The following DDX19B variants were observed in gnomAD, a reference collection of about 807,000 sequenced individuals.
DDX19B encodes ATP-dependent RNA helicase DDX19B.
In DDX19B, 27 loss-of-function variants were observed where a neutral mutation model predicts 58.1. That is an observed-to-expected ratio of 0.46 (90% CI 0.34 to 0.64). DDX19B has a LOEUF of 0.64. Among genes scored for constraint, DDX19B ranks in the 30% least tolerant of loss-of-function variants. The pLI, the probability that DDX19B is intolerant of heterozygous loss-of-function variation, is 0.01. For synonymous variants in DDX19B, 187 were observed against 214.4 expected (o/e 0.87, Z 1.12); for missense variants, 399 against 596.5 (o/e 0.67, Z 3.45).
chr16:70,304,046 C>CT (rs1343155530), intron 1 of DDX19B, among the ~76,000 whole-genome samples: 2,688 of 145,580 alleles, frequency 0.018, 29 homozygotes, highest in Non-Finnish European at 0.026. Flanking sequence ...TGAGGTTCAT[C>CT]TTTTTTTTTT....
At position 70,326,132 on chromosome 16, in the gene DDX19B, CTATTA is replaced by C. The variant is rs1179076601; in HGVS notation, c.607+449_607+453del. On this transcript the variant is annotated intron_variant, in intron 7 of 11. Coordinates refer to ENST00000288071, the MANE Select transcript of DDX19B (RefSeq NM_007242.7). ...ATTGTACCCCTACCTTTTTCTCTCC[CTATTA>C]TATTTAACATTTTGCACAGACCAGA... 2.6e-5 allele frequency among the ~76,000 whole-genome samples: 4 copies of C among 152,164 alleles called. No homozygotes were observed. In the East Asian group the frequency reaches 7.7e-4, roughly 29 times the overall value.
chr16:70,312,031 G>A (rs954977832), intron 1 of DDX19B, among the ~76,000 whole-genome samples: 3 of 152,036 alleles, frequency 2.0e-5, no homozygotes, highest in East Asian at 1.9e-4. Context: ...TGGTAGAGAC[G>A]GGGTTTCACC....
intron 5 of DDX19B, among the ~76,000 whole-genome samples, chr16:70,323,079 C>G (rs971357388): frequency 1.2e-4 from 18 of 151,910 alleles, no homozygotes; most frequent in African/African-American, 4.1e-4. Flanking sequence ...TGGCCTGCTG[C>G]GGCTGCTCCG....
At chr16:70,296,763 C>T (rs1961239960), upstream of DDX19B, among the ~76,000 whole-genome samples, 1 of 152,094 alleles carries the variant, frequency 6.6e-6, no homozygotes, top group Non-Finnish European at 1.5e-5. Context: ...ACGTCTTCTC[C>T]AGTTAACCCT....
upstream of DDX19B, among the ~76,000 whole-genome samples, chr16:70,297,009 G>C (rs1056111715): frequency 6.6e-6 from 1 of 151,976 alleles, no homozygotes; most frequent in Non-Finnish European, 1.5e-5. Context: ...TCCACCTCCC[G>C]GGTTCAAGCG....
At chr16:70,309,776 C>T (rs1961982035) in intron 1 of DDX19B, among the ~76,000 whole-genome samples, 1 of 116,122 alleles carries the variant, frequency 8.6e-6, no homozygotes, top group African/African-American at 3.4e-5. Context: ...CAAGATCGTA[C>T]CACTGCATTC....
At chr16:70,328,181 T>G (rs905406967) in intron 7 of DDX19B, among the ~76,000 whole-genome samples, 2 of 151,372 alleles carry the variant, frequency 1.3e-5, no homozygotes, top group Non-Finnish European at 2.9e-5. Flanking sequence ...AGAGGTTTGG[T>G]TGAGTTTTAT....
At chr16:70,322,632 G>A (rs1478728935) in intron 5 of DDX19B, among the ~76,000 whole-genome samples, 3 of 145,922 alleles carry the variant, frequency 2.1e-5, no homozygotes, top group Non-Finnish European at 3.0e-5. Flanking sequence ...GGTGGCTCAC[G>A]ACTGTAATCC....
rs1029934930 is a variant in DDX19B at position 70,329,936 on chromosome 16, G to A, written c.891G>A (p.Leu297=). ...KVVPDPNVIK[L]KREEETLDTI... ...TCCCAGACCCAAACGTTATCAAACT[G>A]AAGCGTGAGGAAGAGACCCTGGACA... The change falls in exon 9 of 12, where the codon CTG becomes CTA. Residue 297 remains leucine (L), a synonymous_variant. Transcript: ENST00000288071. The A allele has an allele frequency of 2.8e-5, 45 of 1,614,254 alleles. No homozygotes were observed. The highest frequency in any genetic ancestry group is 3.8e-5 in the Non-Finnish European group (45 of 1,180,052).
Position 70,329,422 on chromosome 16 carries a change from C to T in DDX19B, c.738C>T (p.Val246=), listed in dbSNP as rs143802195. 1 of 1,613,974 alleles carries T rather than the reference C, an allele frequency of 6.2e-7. No homozygotes were observed. The highest frequency in any genetic ancestry group is 1.3e-5 in the African/African-American group (1 of 74,978). The change falls in exon 8 of 12, where the codon GTC becomes GTT. Residue 246 remains valine, a synonymous_variant. Coordinates refer to ENST00000288071, the MANE Select transcript of DDX19B (RefSeq NM_007242.7). ...IKVFVLDEAD[V]MIATQGHQDQ... Reference sequence around the variant, plus strand: ...TGTTTGTTCTGGATGAGGCTGATGTCATGATAGCCACTCAGGGCCACCAAG... The same window carrying T: ...TGTTTGTTCTGGATGAGGCTGATGTTATGATAGCCACTCAGGGCCACCAAG...
In DDX19B at chr16:70,301,633, CTTT is replaced by C. The variant is rs1961487642; in HGVS notation, c.57+2280_57+2282del. Among the ~76,000 whole-genome samples the C allele has an allele frequency of 3.3e-5, 5 of 150,626 alleles. No individual in the cohort carries two copies. The South Asian group carries it at 8.4e-4, about 25-fold the overall frequency. ...ATAATTTCATTGCTGATTTCTTCTT[CTTT>C]GTTTTTTCTTAATTCCCTCTTTTCC... On this transcript the variant is annotated intron_variant, in intron 1 of 11. Coordinates refer to ENST00000288071, the MANE Select transcript of DDX19B (RefSeq NM_007242.7).
At chr16:70,291,563 C>G (rs980709967), upstream of DDX19B, among the ~76,000 whole-genome samples, 1 of 152,004 alleles carries the variant, frequency 6.6e-6, no homozygotes, top group Non-Finnish European at 1.5e-5. Flanking sequence ...AATCCCAGCA[C>G]TTTTGGGAGG....
chr16:70,329,510 C>T, intron 8 of DDX19B, 41 bp downstream of exon 8: 1 of 1,610,812 alleles, frequency 6.2e-7, no homozygotes. Flanking sequence ...GATTCCCCAT[C>T]TGCAGTGTCT....
chr16:70,315,840 C>G (rs1257562173), intron 3 of DDX19B, 129 bp from the exon 4 acceptor site: 2 of 1,276,028 alleles, frequency 1.6e-6, no homozygotes, highest in Non-Finnish European at 2.1e-6. Flanking sequence ...TAAGTCAAAA[C>G]TATGACGTAC....
intron 11 of DDX19B, 150 bp from the exon 12 acceptor site, chr16:70,333,371 G>A (rs1046805511): frequency 3.1e-5 from 41 of 1,314,532 alleles, no homozygotes; most frequent in Non-Finnish European, 3.8e-5. Context: ...GCTTCGGGGC[G>A]TGGGGCTCTG....
intron 5 of DDX19B, among the ~76,000 whole-genome samples, chr16:70,322,958 C>G (rs1479485026): frequency 6.6e-6 from 1 of 151,162 alleles, no homozygotes; most frequent in African/African-American, 2.4e-5. Flanking sequence ...TTTAAAATTC[C>G]ACCTGTGGCC....
chr16:70,308,018 T>C (rs947310351), intron 1 of DDX19B, among the ~76,000 whole-genome samples: 16 of 152,128 alleles, frequency 1.1e-4, no homozygotes, highest in African/African-American at 3.6e-4. Flanking sequence ...AGTGGCACCA[T>C]GTCGGCTCAC....
intron 9 of DDX19B, among the ~76,000 whole-genome samples, chr16:70,331,324 G>C (rs903412817): frequency 2.0e-5 from 3 of 152,034 alleles, no homozygotes; most frequent in Non-Finnish European, 4.4e-5. Context: ...TAAGACTACA[G>C]GCACGAGCCA....
At chr16:70,294,877 G>A, upstream of DDX19B, 2 of 1,525,810 alleles carry the variant, frequency 1.3e-6, no homozygotes, top group South Asian at 2.4e-5. Context: ...GTCCAAGATC[G>A]CGCCCTGCGG....
Sources: allele counts gnomAD v4.1 joint callset (sites outside exome capture counted in the v4.1 genomes callset), GRCh38; gene constraint gnomAD v4.1.1; transcripts MANE v1.5; gene names NCBI Gene and HGNC (gene_info 2026-07-23, HGNC 2026-07-21).